The following LHFPL3 variants were observed in gnomAD, a reference collection of about 807,000 sequenced individuals.
LHFPL3 encodes LHFPL tetraspan subfamily member 3 protein.
A neutral mutation model predicts 19.3 loss-of-function variants in LHFPL3; 5 were observed. The ratio of observed to expected loss-of-function variants is 0.26; its 90% confidence interval spans 0.14 to 0.54. LHFPL3 has a LOEUF of 0.54. Ranked by LOEUF, LHFPL3 falls within the 20% of genes least tolerant of loss-of-function variation. The pLI is 0.94. For missense variants in LHFPL3, 249 were observed against 307.4 expected (o/e 0.81, Z 1.42); for synonymous variants, 133 against 126.2 (o/e 1.05, Z -0.36).
chr7:104,908,392 T>A lies in LHFPL3; in HGVS notation c.*2177T>A, dbSNP rs530155493. ...TATAAGAAGTAGGTTTTTATCTTTT[T>A]AAAAAAAAAACAAAAAAGGTGACTC... On this transcript the variant is annotated 3_prime_UTR_variant, in exon 3 of 3. Transcript: ENST00000424859. Among the ~76,000 whole-genome samples the A allele has an allele frequency of 1.5e-4, 22 of 148,192 alleles. No homozygotes were observed. The South Asian group carries it at 1.5e-3, about 10-fold the overall frequency.
chr7:104,490,900 G>A (rs1193016196), intron 1 of LHFPL3, among the ~76,000 whole-genome samples: 2 of 152,020 alleles, frequency 1.3e-5, no homozygotes, highest in African/African-American at 2.4e-5. Context: ...CTTATGAGCT[G>A]CAGTTAAAAG....
intron 1 of LHFPL3, among the ~76,000 whole-genome samples, chr7:104,360,694 C>CAT: frequency 6.9e-6 from 1 of 144,464 alleles, no homozygotes; most frequent in South Asian, 2.3e-4. Flanking sequence ...AAAGTGCTTC[C>CAT]GTGTGTGTGT....
chr7:104,668,966 G>C (rs1329670139), intron 1 of LHFPL3: 4 of 1,612,276 alleles, frequency 2.5e-6, no homozygotes, highest in Non-Finnish European at 1.7e-6. Flanking sequence ...AGCTGGCAAA[G>C]TGAAGAAACT....
chr7:104,898,672 G>C (rs929732521), intron 2 of LHFPL3, among the ~76,000 whole-genome samples: 1 of 152,084 alleles, frequency 6.6e-6, no homozygotes, highest in African/African-American at 2.4e-5. Context: ...AAGCTGGAAA[G>C]GGCCAGGCGC....
intron 1 of LHFPL3, among the ~76,000 whole-genome samples, chr7:104,656,164 A>T (rs1209131733): frequency 6.6e-6 from 1 of 152,202 alleles, no homozygotes; most frequent in Non-Finnish European, 1.5e-5. Flanking sequence ...GAATGGGATA[A>T]ATGTGCTTTA....
intron 2 of LHFPL3, among the ~76,000 whole-genome samples, chr7:104,740,355 T>C (rs141161270): frequency 1.5e-3 from 227 of 152,298 alleles, no homozygotes; most frequent in African/African-American, 5.3e-3. Context: ...TAGCCTGAAA[T>C]TGTAGAATAT....
intron 1 of LHFPL3, among the ~76,000 whole-genome samples, chr7:104,587,508 C>G (rs1351026298): frequency 6.6e-6 from 1 of 152,174 alleles, no homozygotes. Flanking sequence ...TTTTCTTAAT[C>G]CAGTCTATCA....
chr7:104,364,383 C>T (rs1204016959), intron 1 of LHFPL3, among the ~76,000 whole-genome samples: 1 of 152,094 alleles, frequency 6.6e-6, no homozygotes, highest in Non-Finnish European at 1.5e-5. Flanking sequence ...GTAAAAGAAA[C>T]ATTAACCATT....
chr7:104,350,079 A>G (rs1441029949), intron 1 of LHFPL3, among the ~76,000 whole-genome samples: 2 of 152,206 alleles, frequency 1.3e-5, no homozygotes, highest in African/African-American at 4.8e-5. Flanking sequence ...TGACAAGGAA[A>G]TGGAGGCACA....
chr7:104,749,274 AAC>A (rs1562981499), intron 2 of LHFPL3, among the ~76,000 whole-genome samples: 9 of 152,282 alleles, frequency 5.9e-5, no homozygotes. Context: ...AGAAATGTAT[AAC>A]AGTCAATTAA....
chr7:104,852,465 G>A (rs1353873228), intron 2 of LHFPL3, among the ~76,000 whole-genome samples: 1 of 152,240 alleles, frequency 6.6e-6, no homozygotes, highest in Non-Finnish European at 1.5e-5. Flanking sequence ...AGAGAGCAAA[G>A]CCAGTCTTCA....
At chr7:104,642,949 T>G (rs1005333295) in intron 1 of LHFPL3, among the ~76,000 whole-genome samples, 3 of 152,270 alleles carry the variant, frequency 2.0e-5, no homozygotes, top group African/African-American at 7.2e-5. Flanking sequence ...TTCAGTTTTC[T>G]CCAGTTTTAC....
chr7:104,706,080 G>A (rs1187421511), intron 1 of LHFPL3, among the ~76,000 whole-genome samples: 1 of 152,182 alleles, frequency 6.6e-6, no homozygotes, highest in Non-Finnish European at 1.5e-5. Context: ...GGAATGTGAA[G>A]AAATGAGCCA....
rs199551801 is a variant in LHFPL3 at position 104,768,138 on chromosome 7, G to T, written c.682+31227G>T. Among the ~76,000 whole-genome samples, 737 of 23,980 alleles carry T rather than the reference G, an allele frequency of 0.031. 32 individuals are homozygous for T. In the South Asian group the frequency reaches 0.31, roughly 10 times the overall value. The allele number at this position is 23,980 out of a possible 152,430, so 15.7% of individuals were successfully genotyped here. A position where few individuals can be genotyped will look rare whatever the true frequency, so the allele number is the denominator to read the frequency against. On this transcript the variant is annotated intron_variant, in intron 2 of 2. Transcript: ENST00000424859. The stretch of plus-strand genomic sequence containing the variant: ...CCCAAACACCCTTGTGATTATTCTC[G>T]TGAAAAAAAAAAAAAAAAAGCAAGA...
At chr7:104,588,840 G>T (rs535806896) in intron 1 of LHFPL3, among the ~76,000 whole-genome samples, 1 of 152,266 alleles carries the variant, frequency 6.6e-6, no homozygotes, top group South Asian at 2.1e-4. Context: ...CACATCCCTT[G>T]TAAGTTGGAT....
At chr7:104,532,397 A>C (rs1213407614) in intron 1 of LHFPL3, among the ~76,000 whole-genome samples, 1 of 148,754 alleles carries the variant, frequency 6.7e-6, no homozygotes, top group Non-Finnish European at 1.5e-5. Context: ...CTGGCCTCAA[A>C]TGATCCTCCT....
chr7:104,765,191 G>A (rs916960359), intron 2 of LHFPL3, among the ~76,000 whole-genome samples: 1 of 152,160 alleles, frequency 6.6e-6, no homozygotes, highest in Non-Finnish European at 1.5e-5. Context: ...CAATTTGAGG[G>A]AAGAAAGACT....
At chr7:104,573,302 C>G (rs1055789910) in intron 1 of LHFPL3, among the ~76,000 whole-genome samples, 2 of 150,980 alleles carry the variant, frequency 1.3e-5, no homozygotes, top group African/African-American at 4.9e-5. Context: ...ATCCTAGCTA[C>G]TGGGGAGGCT....
intron 2 of LHFPL3, among the ~76,000 whole-genome samples, chr7:104,774,662 T>C (rs1407512370): frequency 6.6e-6 from 1 of 152,220 alleles, no homozygotes; most frequent in African/African-American, 2.4e-5. Context: ...GAACTTGGAC[T>C]TTTTTAGAAA....
Sources: gnomAD v4.1 joint callset for allele counts (sites outside exome capture counted in the v4.1 genomes callset) on GRCh38, gnomAD v4.1.1 for gene constraint, MANE v1.5 for transcripts, NCBI Gene and HGNC (gene_info 2026-07-23, HGNC 2026-07-21) for gene names.